SELENOF: variants seen among roughly 807,000 people sequenced by gnomAD.
SELENOF encodes the protein 15 kDa selenoprotein.
Under a neutral mutation model 20.5 loss-of-function variants are expected in SELENOF, and 16 were observed. The ratio of observed to expected loss-of-function variants is 0.78; its 90% CI spans 0.53 to 1.19. The LOEUF is 1.19. Ranked by LOEUF, SELENOF falls within the 50% of genes most tolerant of loss-of-function variation. The pLI is 0.00. For missense variants in SELENOF, 215 were observed against 194.2 expected (o/e 1.11, Z -0.64); for synonymous variants, 78 against 74.5 (o/e 1.05, Z -0.24).
intron 3 of SELENOF, among the ~76,000 whole-genome samples, chr1:86,872,650 G>A (rs945076871): frequency 6.6e-6 from 1 of 151,858 alleles, no homozygotes; most frequent in Admixed American, 6.6e-5. Flanking sequence ...CAAAGTGCTG[G>A]GATTATAGCC....
At chr1:86,884,851 G>A (rs190812399) in intron 2 of SELENOF, among the ~76,000 whole-genome samples, 6 of 152,300 alleles carry the variant, frequency 3.9e-5, no homozygotes, top group African/African-American at 1.4e-4. Flanking sequence ...TAGGACTAGG[G>A]AAATGTAAGA....
At chr1:86,876,198 A>C (rs1658920548) in intron 3 of SELENOF, among the ~76,000 whole-genome samples, 1 of 151,958 alleles carries the variant, frequency 6.6e-6, no homozygotes, top group African/African-American at 2.4e-5. Context: ...GGGACTATGA[A>C]GGTTATTACT....
chr1:86,894,450 T>C (rs939738543), intron 2 of SELENOF, among the ~76,000 whole-genome samples: 1 of 152,186 alleles, frequency 6.6e-6, no homozygotes, highest in Non-Finnish European at 1.5e-5. Context: ...GTCATCTGAA[T>C]AGTAAAAACC....
chr1:86,905,179 A>C (rs954422224), intron 1 of SELENOF, among the ~76,000 whole-genome samples: 1 of 152,178 alleles, frequency 6.6e-6, no homozygotes, highest in East Asian at 1.9e-4. Context: ...ATTCTTCACC[A>C]TTCTCACAAC....
intron 1 of SELENOF, among the ~76,000 whole-genome samples, chr1:86,912,346 T>C (rs978622621): frequency 7.9e-5 from 12 of 152,198 alleles, no homozygotes; most frequent in African/African-American, 2.7e-4. Flanking sequence ...CTGTGCACAG[T>C]CACTGTGGTA....
chr1:86,886,281 G>A (rs1659215237), intron 2 of SELENOF, among the ~76,000 whole-genome samples: 1 of 152,118 alleles, frequency 6.6e-6, no homozygotes, highest in Non-Finnish European at 1.5e-5. Context: ...TGGGCAGGCA[G>A]GGATGAGGAA....
intron 2 of SELENOF, among the ~76,000 whole-genome samples, chr1:86,894,036 C>T (rs1451366111): frequency 6.6e-6 from 1 of 152,150 alleles, no homozygotes; most frequent in Non-Finnish European, 1.5e-5. Context: ...TTTATCAAAT[C>T]CCTGACCTGC....
intron 1 of SELENOF, among the ~76,000 whole-genome samples, chr1:86,905,976 T>C (rs1357513345): frequency 6.6e-6 from 1 of 152,240 alleles, no homozygotes; most frequent in East Asian, 1.9e-4. Context: ...AGCTGCAGTG[T>C]GTCAATCCTT....
intron 2 of SELENOF, among the ~76,000 whole-genome samples, chr1:86,892,349 A>C (rs1375164655): frequency 1.3e-5 from 2 of 152,182 alleles, no homozygotes; most frequent in African/African-American, 4.8e-5. Context: ...TTTGTGAATA[A>C]TGCTTTTATA....
At chr1:86,894,024 CT>C (rs1659456449) in intron 2 of SELENOF, among the ~76,000 whole-genome samples, 1 of 152,122 alleles carries the variant, frequency 6.6e-6, no homozygotes, top group Admixed American at 6.5e-5. Flanking sequence ...AAACAAAAGG[CT>C]TTTATCAAAT....
chr1:86,886,222 G>A (rs1659212321), intron 2 of SELENOF, among the ~76,000 whole-genome samples: 1 of 152,048 alleles, frequency 6.6e-6, no homozygotes, highest in Non-Finnish European at 1.5e-5. Flanking sequence ...GATATCTAGG[G>A]GTGAGATCCA....
At chr1:86,870,443 T>G (rs570058312) in intron 3 of SELENOF, among the ~76,000 whole-genome samples, 102 of 152,344 alleles carry the variant, frequency 6.7e-4, no homozygotes, top group Non-Finnish European at 1.2e-3. Flanking sequence ...TTTTATGCTG[T>G]TCCTCTGGCA....
At chr1:86,873,297 C>G (rs1029569402) in intron 3 of SELENOF, among the ~76,000 whole-genome samples, 1 of 151,992 alleles carries the variant, frequency 6.6e-6, no homozygotes. Flanking sequence ...TATTTCCTTT[C>G]TGACCTTGGT....
chr1:86,894,022 G>A (rs1659456347), intron 2 of SELENOF, among the ~76,000 whole-genome samples: 1 of 152,112 alleles, frequency 6.6e-6, no homozygotes, highest in Non-Finnish European at 1.5e-5. Flanking sequence ...GAAAACAAAA[G>A]GCTTTTATCA....
intron 2 of SELENOF, among the ~76,000 whole-genome samples, chr1:86,896,255 G>C (rs1410710625): frequency 1.3e-5 from 2 of 151,690 alleles, no homozygotes; most frequent in Non-Finnish European, 2.9e-5. Flanking sequence ...AAACAAAGAG[G>C]GGGGGAGGGG....
chr1:86,903,739 C>T (rs374513611), intron 1 of SELENOF, among the ~76,000 whole-genome samples: 1 of 152,128 alleles, frequency 6.6e-6, no homozygotes, highest in Non-Finnish European at 1.5e-5. Flanking sequence ...GGATTACAGG[C>T]GCATGCCACC....
intron 3 of SELENOF, among the ~76,000 whole-genome samples, chr1:86,875,764 A>C (rs946369451): frequency 1.3e-5 from 2 of 152,226 alleles, no homozygotes; most frequent in Non-Finnish European, 2.9e-5. Context: ...TAAAGAGAAA[A>C]GTAAAACACT....
intron 3 of SELENOF, among the ~76,000 whole-genome samples, chr1:86,877,169 T>C (rs761887227): frequency 3.7e-4 from 57 of 152,226 alleles, no homozygotes; most frequent in Non-Finnish European, 2.9e-4. Flanking sequence ...AATTATGGAA[T>C]GATTTACTCT....
Position 86,868,092 on chromosome 1 carries a change from C to T in SELENOF, c.327G>A (p.Arg109=). The change falls in exon 4 of 5, where the codon AGG becomes AGA. Residue 109 remains arginine (R), a synonymous_variant. Transcript: ENST00000331835. ...CTCTGAACAGTTTGGGTTTATCACT[C>T]CTAACAAAAGCTTATAAAAAAAGAA... is the stretch of plus-strand genomic sequence containing the variant. ...GRFPQVQAFV[R]SDKPKLFRGL... is the part of the protein sequence containing the mutation. 2.0e-6 allele frequency: 3 copies of T among 1,512,562 alleles called. No homozygotes were observed. The highest frequency in any genetic ancestry group is 1.4e-5 in the African/African-American group (1 of 71,462). 93.7% of individuals were successfully genotyped at this position (1,512,562 alleles called of 1,614,324 possible).
Sources: allele counts gnomAD v4.1 joint callset (sites outside exome capture counted in the v4.1 genomes callset), GRCh38; gene constraint gnomAD v4.1.1; transcripts MANE v1.5; gene names NCBI Gene and HGNC (gene_info 2026-07-23, HGNC 2026-07-21).